The following UBE4B variants were observed in gnomAD, a reference collection of about 807,000 sequenced individuals.
The protein encoded by UBE4B is ubiquitin conjugation factor E4 B.
In UBE4B, 27 loss-of-function variants were observed where a neutral mutation model predicts 148.1. The ratio of observed to expected loss-of-function variants is 0.18; its 90% confidence interval spans 0.13 to 0.25. The LOEUF (loss-of-function observed/expected upper bound fraction) is 0.25. Among genes scored for constraint, UBE4B ranks in the 10% least tolerant of loss-of-function variants. The probability of loss-of-function intolerance (pLI) is 1.00; values close to 1 mark genes in which losing one functional copy is unlikely to be tolerated. For synonymous variants in UBE4B, 596 were observed against 619.3 expected (o/e 0.96, Z 0.56); for missense variants, 1,170 against 1,662.4 (o/e 0.70, Z 5.15).
At chr1:10,111,732 G>A (rs1179549102) in intron 7 of UBE4B, among the ~76,000 whole-genome samples, 1 of 152,104 alleles carries the variant, frequency 6.6e-6, no homozygotes, top group Admixed American at 6.6e-5. Flanking sequence ...CGAGGTGGGC[G>A]GATCACTTGA....
intron 21 of UBE4B, among the ~76,000 whole-genome samples, chr1:10,156,676 T>A (rs1181120126): frequency 2.0e-5 from 3 of 152,190 alleles, no homozygotes; most frequent in Non-Finnish European, 4.4e-5. Context: ...TATCCTTATG[T>A]CAACACTCCA....
At chr1:10,074,196 G>A (rs938018629) in intron 2 of UBE4B, among the ~76,000 whole-genome samples, 7 of 152,016 alleles carry the variant, frequency 4.6e-5, no homozygotes, top group Non-Finnish European at 1.0e-4. Context: ...CTGCCTACCT[G>A]TATGTGCGCC....
At chr1:10,070,843 T>C (rs1644471754) in intron 1 of UBE4B, among the ~76,000 whole-genome samples, 1 of 152,196 alleles carries the variant, frequency 6.6e-6, no homozygotes, top group South Asian at 2.1e-4. Context: ...CTCCTACAAG[T>C]GATGGTTAAA....
chr1:10,046,897 C>A (rs548009672), intron 1 of UBE4B, among the ~76,000 whole-genome samples: 3 of 152,168 alleles, frequency 2.0e-5, no homozygotes, highest in Non-Finnish European at 2.9e-5. Context: ...TCTTTGCATG[C>A]GAATTGGCAA....
rs1646152663 is a variant in UBE4B, at chr1:10,161,113, G to A, written c.3054-29G>A. The A allele has an allele frequency of 1.2e-6, 2 of 1,609,378 alleles. No homozygotes were observed. The highest frequency in any genetic ancestry group is 1.7e-6 in the Non-Finnish European group (2 of 1,176,790). ...GGCATTTTGCTTCAGGGAGATGTAT[G>A]ACCATGTACAATATAATTGCCTTTC... On this transcript the variant is annotated intron_variant, in intron 22 of 27. Transcript: ENST00000343090. The surrounding 1 kb of genome is among the most constrained non-coding windows in gnomAD (Gnocchi z 4.1).
In UBE4B at chr1:10,130,824, A is replaced by G; in HGVS notation, c.1911+11A>G. ...TTAGAGCTCGGAAGGGTAAGTGTTC[A>G]GAAAACAAATCCAGAGGAAGTATCA... On this transcript the variant is annotated intron_variant, in intron 14 of 27. Transcript: ENST00000343090. The G allele has an allele frequency of 6.2e-7, 1 of 1,611,280 alleles. No individual in the cohort carries two copies. The highest frequency in any genetic ancestry group is 8.5e-7 in the Non-Finnish European group (1 of 1,177,404).
intron 2 of UBE4B, among the ~76,000 whole-genome samples, chr1:10,082,036 G>C (rs143391198): frequency 6.6e-5 from 10 of 152,160 alleles, no homozygotes; most frequent in African/African-American, 2.4e-4. Flanking sequence ...CTCCAAATTT[G>C]CTTGATATGT....
At chr1:10,176,554 A>C (rs902500696) in intron 25 of UBE4B, among the ~76,000 whole-genome samples, 1 of 151,896 alleles carries the variant, frequency 6.6e-6, no homozygotes, top group African/African-American at 2.4e-5. Context: ...TAAACATGTT[A>C]ATTTGTTTTT....
chr1:10,032,960 C>T lies in UBE4B; in HGVS notation c.-711C>T, dbSNP rs537343152. 29 of 152,340 alleles carry T rather than the reference C, an allele frequency of 1.9e-4. No individual in the cohort carries two copies. Among genetic ancestry groups the T allele is most frequent in the African/African-American group, 6.3e-4 (26 of 41,566 alleles). The allele number at this position is 152,340 out of a possible 1,614,324, so 9.4% of individuals were successfully genotyped here. A position where few individuals can be genotyped will look rare whatever the true frequency, so the allele number is the denominator to read the frequency against. ...CTCCCTGACGGGGGTCACGTGATCC[C>T]TTTCAAAGATGGCCGCCCTGTTGTT... On this transcript the variant is annotated 5_prime_UTR_variant, in exon 1 of 28. Coordinates refer to ENST00000343090, the MANE Select transcript of UBE4B (RefSeq NM_001105562.3).
At chr1:10,176,931 G>A (rs145648316) in intron 25 of UBE4B, among the ~76,000 whole-genome samples, 6,395 of 151,350 alleles carry the variant, frequency 0.042, 181 homozygotes, top group Non-Finnish European at 0.07. Flanking sequence ...GACTACAGGC[G>A]TGCACCATCA....
rs542136295 is a variant in UBE4B at position 10,107,739 on chromosome 1, G to A, written c.1196+1156G>A. Among the ~76,000 whole-genome samples the A allele has an allele frequency of 5.5e-4, 84 of 151,844 alleles. 1 individual carries two copies. The East Asian group carries it at 0.015, about 27-fold the overall frequency. On this transcript the variant is annotated intron_variant, in intron 7 of 27. Coordinates refer to ENST00000343090, the MANE Select transcript of UBE4B (RefSeq NM_001105562.3). ...ATTACAGGCACCCGCCACCATGCCC[G>A]GCTAATTTTTGTATTTTTAGTAGAG...
At chr1:10,164,192 T>A (rs1444744859) in intron 23 of UBE4B, among the ~76,000 whole-genome samples, 2 of 151,920 alleles carry the variant, frequency 1.3e-5, no homozygotes, top group African/African-American at 2.4e-5. Context: ...AATACAAAAT[T>A]TAGCCAGGCA....
In UBE4B at chr1:10,106,546, A is replaced by T. The variant is rs1184471236; in HGVS notation, c.1159A>T (p.Thr387Ser). The change falls in exon 7 of 28, where the codon ACG (threonine) becomes TCG (serine). Residue 387 changes from threonine to serine, a missense_variant. Physicochemically the swap from Thr to Ser is moderately conservative, Grantham distance 58. Transcript: ENST00000343090. The surrounding 1 kb of genome is among the most constrained non-coding windows in gnomAD (Gnocchi z 4.2). ...PPLPPASPSA[T>S]SRRPSSLRIS... ...CCTACCACCCGCCTCACCCAGTGCC[A>T]CGAGCAGACGCCCCTCCTCCCTGAG... 4 of 1,592,206 alleles carry T rather than the reference A, an allele frequency of 2.5e-6. No individual in the cohort carries two copies. The highest frequency in any genetic ancestry group is 3.4e-6 in the Non-Finnish European group (4 of 1,173,082).
At chr1:10,041,344 T>G (rs1453313939) in intron 1 of UBE4B, among the ~76,000 whole-genome samples, 1 of 151,342 alleles carries the variant, frequency 6.6e-6, no homozygotes, top group African/African-American at 2.4e-5. Context: ...TCTTTTTTTT[T>G]TTTTTTTTTG....
intron 21 of UBE4B, among the ~76,000 whole-genome samples, chr1:10,152,881 A>G (rs562328945): frequency 2.0e-4 from 31 of 151,810 alleles, no homozygotes; most frequent in Non-Finnish European, 3.4e-4. Context: ...TGGGGACCCA[A>G]GGGAAGAGCC....
chr1:10,093,215 T>C (rs1644877119), intron 2 of UBE4B, among the ~76,000 whole-genome samples: 1 of 152,232 alleles, frequency 6.6e-6, no homozygotes, highest in Non-Finnish European at 1.5e-5. Flanking sequence ...AAGTTTATTA[T>C]TGATTAATTT....
chr1:10,099,908 G>A (rs865999943), intron 3 of UBE4B, among the ~76,000 whole-genome samples: 14 of 152,110 alleles, frequency 9.2e-5, no homozygotes, highest in South Asian at 6.2e-4. Flanking sequence ...TTGTTCAATC[G>A]GGGATAAATG....
intron 5 of UBE4B, among the ~76,000 whole-genome samples, chr1:10,103,470 A>G (rs539830872): frequency 2.0e-5 from 3 of 150,332 alleles, no homozygotes; most frequent in South Asian, 2.1e-4. Flanking sequence ...ATCTCACCCT[A>G]TCACCAGGCT....
At chr1:10,174,070 G>A (rs571867941) in intron 25 of UBE4B, among the ~76,000 whole-genome samples, 60 of 152,330 alleles carry the variant, frequency 3.9e-4, no homozygotes, top group Admixed American at 5.9e-4. Context: ...ACACACATGT[G>A]CCAGTGACAC....
Sources: gnomAD v4.1 joint callset for allele counts (sites outside exome capture counted in the v4.1 genomes callset) on GRCh38, gnomAD v4.1.1 for gene constraint, Gnocchi (gnomAD v3.1) non-coding constraint, MANE v1.5 for transcripts, NCBI Gene and HGNC (gene_info 2026-07-23, HGNC 2026-07-21) for gene names.